Variants in LRP1 observed in about 807,000 individuals in gnomAD.
The protein encoded by LRP1 is prolow-density lipoprotein receptor-related protein 1.
LRP1 carries 51 observed loss-of-function variants against 541.5 expected under a neutral mutation model. The observed-to-expected ratio is 0.09, with a 90% CI of 0.08 to 0.12. The LOEUF is 0.12. Among genes scored for constraint, LRP1 ranks in the 10% least tolerant of loss-of-function variants. The pLI, the probability that LRP1 is intolerant of heterozygous loss-of-function variation, is 1.00. For missense variants in LRP1, 3,878 were observed against 6,376.2 expected (o/e 0.61, Z 13.34); for synonymous variants, 2,219 against 2,470.8 (o/e 0.90, Z 3.02).
In LRP1 at chr12:57,173,665, G is replaced by C; in HGVS notation, c.3347-115G>C. The C allele has an allele frequency of 1.8e-6, 2 of 1,114,348 alleles. No individual in the cohort carries two copies. The highest frequency in any genetic ancestry group is 1.3e-6 in the Non-Finnish European group (1 of 749,656). The allele number at this position is 1,114,348 out of a possible 1,614,324, so 69.0% of individuals were successfully genotyped here. ...CCAAAAAGCCTCGGGGTTCCTCGTGGACCCCACAGCGTTGCAATCCTGACC... is the reference window on the plus strand; with the variant it reads ...CCAAAAAGCCTCGGGGTTCCTCGTGCACCCCACAGCGTTGCAATCCTGACC... On this transcript the variant is annotated intron_variant, in intron 21 of 88. Transcript: ENST00000243077. The surrounding 1 kb of genome is among the most constrained non-coding windows in gnomAD (Gnocchi z 4.7).
chr12:57,170,710 A>G lies in LRP1; in HGVS notation c.3163+1403A>G, dbSNP rs533896177. On this transcript the variant is annotated intron_variant, in intron 20 of 88. Transcript: ENST00000243077. ...GAGGCACATGCCTGTAGTCCCAGCT[A>G]CTCAGAAGGCTGAGGTGAGAGGTTG... Among the ~76,000 whole-genome samples the G allele has an allele frequency of 4.6e-5, 7 of 152,226 alleles. No individual in the cohort carries two copies. In the South Asian group the frequency reaches 8.3e-4, roughly 18 times the overall value.
Position 57,128,788 on chromosome 12 carries a change from GGCTC to G in LRP1, c.-175_-172del. The G allele has an allele frequency of 1.9e-6, 1 of 514,234 alleles. No homozygotes were observed. The highest frequency in any genetic ancestry group is 3.2e-5 in the East Asian group (1 of 31,474). The allele number at this position is 514,234 out of a possible 1,614,324, so 31.9% of individuals were successfully genotyped here. ...CCCCGTCAGCAGGCCCTCCCCAAGGGGCTCGGAACTCTACCTCTTCACCCACGCC... is the reference window on the plus strand; with the variant it reads ...CCCCGTCAGCAGGCCCTCCCCAAGGGGGAACTCTACCTCTTCACCCACGCC... On this transcript the variant is annotated 5_prime_UTR_variant, in exon 1 of 89. Transcript: ENST00000243077.
intron 1 of LRP1, among the ~76,000 whole-genome samples, chr12:57,129,823 C>T (rs916417462): frequency 1.3e-5 from 2 of 152,120 alleles, no homozygotes; most frequent in African/African-American, 2.4e-5. Flanking sequence ...GTGGGGGAGG[C>T]TGCCTTCTTC....
At chr12:57,147,252 C>T (rs1327136790) in intron 6 of LRP1, among the ~76,000 whole-genome samples, 1 of 152,118 alleles carries the variant, frequency 6.6e-6, no homozygotes, top group Non-Finnish European at 1.5e-5. Context: ...TCCCTGCCGC[C>T]TGAATGTCTG....
In LRP1 at chr12:57,192,950, A is replaced by G. The variant is rs940896425; in HGVS notation, c.7535A>G (p.Gln2512Arg). ...NCSCRGGRIL[Q>R]DDLTCRAVNS... ...TCATGCCGAGGGGGCCGAATCCTCC[A>G]GGATGACCTCACCTGCCGAGGTGAG... Residue 2512 changes from glutamine to arginine, a missense_variant, in exon 45 of 89, where the codon CAG becomes CGG. By Grantham distance (43) the Gln-to-Arg change is conservative. Around this residue, in one of 13 missense-constraint regions of LRP1, gnomAD observed 1,100 missense variants for 1,827.4 expected, o/e 0.60. Transcript: ENST00000243077. The G allele has an allele frequency of 1.2e-5, 19 of 1,613,310 alleles. No homozygotes were observed. Among genetic ancestry groups the G allele is most frequent in the Non-Finnish European group, 1.4e-5 (17 of 1,179,704 alleles).
chr12:57,199,114 C>A, intron 60 of LRP1, 98 bp from the exon 61 acceptor site: 1 of 1,123,952 alleles, frequency 8.9e-7, no homozygotes, highest in South Asian at 1.3e-5. Context: ...CTGACACCCA[C>A]CTCTCAGGGT....
In LRP1 at chr12:57,211,615, G is replaced by T; in HGVS notation, c.13193+27G>T. 3 of 1,611,656 alleles carry T rather than the reference G, an allele frequency of 1.9e-6. No homozygotes were observed. Among genetic ancestry groups the T allele is most frequent in the Non-Finnish European group, 2.5e-6 (3 of 1,177,850 alleles). On this transcript the variant is annotated intron_variant, in intron 85 of 88. Transcript: ENST00000243077. The surrounding 1 kb of genome is among the most constrained non-coding windows in gnomAD (Gnocchi z 4.3). The stretch of plus-strand genomic sequence containing the variant: ...TGAGTTGGGCCCGGGCTTCACCCAG[G>T]CATAGATCATCGCTCCCTTCCCCAG...
Position 57,205,199 on chromosome 12 carries a change from A to C in LRP1, c.11285A>C (p.Asn3762Thr). The C allele has an allele frequency of 6.2e-7, 1 of 1,613,910 alleles. No individual in the cohort carries two copies. Among genetic ancestry groups the C allele is most frequent in the Admixed American group, 1.7e-5 (1 of 60,024 alleles). The change falls in exon 73 of 89, where the codon AAC becomes ACC. Residue 3762 changes from asparagine to threonine, a missense_variant. By Grantham distance (65) the Asn-to-Thr change is moderately conservative. Coordinates refer to ENST00000243077, the MANE Select transcript of LRP1 (RefSeq NM_002332.3). The surrounding 1 kb of genome is among the most constrained non-coding windows in gnomAD (Gnocchi z 4.6). ...TGCCTCTCCTCCTCCCTGCGCTGCA[A>C]CATGTTCGATGACTGCGGGGACGGC... Reference protein sequence around the residue: ...QRCLSSSLRCNMFDDCGDGSD... With the variant: ...QRCLSSSLRCTMFDDCGDGSD...
At chr12:57,176,273 C>T (rs1333072132) in intron 24 of LRP1, among the ~76,000 whole-genome samples, 167 bp downstream of exon 24, 1 of 152,258 alleles carries the variant, frequency 6.6e-6, no homozygotes, top group Admixed American at 6.5e-5. Context: ...CCTGACGCCC[C>T]GTAATTATCG....
rs2036561481 is a variant in LRP1 at position 57,197,485 on chromosome 12, T to C, written c.9163-60T>C. ...TAGGTCCAACCATCCCTCCCCCAGA[T>C]GCAAATGTGGCCCCTGTTGCCACAA... On this transcript the variant is annotated intron_variant, in intron 57 of 88. Transcript: ENST00000243077. This position sits in a 1 kb window ranked among gnomAD's most constrained non-coding sequence, Gnocchi z 4.5. The C allele has an allele frequency of 4.3e-6, 7 of 1,613,578 alleles. No homozygotes were observed. The highest frequency in any genetic ancestry group is 5.9e-6 in the Non-Finnish European group (7 of 1,179,712).
chr12:57,141,968 C>T (rs1355468052), intron 3 of LRP1, among the ~76,000 whole-genome samples: 1 of 152,174 alleles, frequency 6.6e-6, no homozygotes, highest in Non-Finnish European at 1.5e-5. Context: ...TAGAAGGCAT[C>T]CCCCAGGAGC....
At chr12:57,210,541 C>T in intron 82 of LRP1, 61 bp downstream of exon 82, 2 of 1,473,362 alleles carry the variant, frequency 1.4e-6, no homozygotes, top group East Asian at 2.3e-5. Context: ...CCGCCACCCA[C>T]CACCCCACCT....
At chr12:57,145,128 G>A in intron 5 of LRP1, 28 bp downstream of exon 5, 1 of 1,613,754 alleles carries the variant, frequency 6.2e-7, no homozygotes, top group Non-Finnish European at 8.5e-7. Flanking sequence ...TGGCCACAGT[G>A]CTAACTAAGC....
chr12:57,188,595 T>A (rs933689411), intron 42 of LRP1, among the ~76,000 whole-genome samples: 2 of 152,148 alleles, frequency 1.3e-5, no homozygotes, highest in Non-Finnish European at 2.9e-5. Flanking sequence ...AGTCTGGAGC[T>A]TCCCTGGAGG....
chr12:57,203,281 G>A lies in LRP1; in HGVS notation c.10812G>A (p.Ser3604=), dbSNP rs374747231. ...GAGACCACGACTGCGCGGACGGCTC[G>A]GACGAGGTGGGCAGGGAGATGAGAA... ...CDGDHDCADG[S]DEKDCTPRCD... Residue 3604 remains serine, a synonymous_variant, in exon 69 of 89, where the codon TCG becomes TCA. Transcript: ENST00000243077. The A allele has an allele frequency of 2.2e-5, 35 of 1,604,250 alleles. No individual in the cohort carries two copies. Among genetic ancestry groups the A allele is most frequent in the Middle Eastern group, 1.6e-4 (1 of 6,062 alleles).
In LRP1 at chr12:57,178,045, G is replaced by A. The variant is rs1376755026; in HGVS notation, c.4362-314G>A. Among the ~76,000 whole-genome samples the A allele has an allele frequency of 6.6e-6, 1 of 151,558 alleles. No individual in the cohort carries two copies. The highest frequency in any genetic ancestry group is 1.5e-5 in the Non-Finnish European group (1 of 67,900). ...CTCACTGCAGGCTCCGCCCCCCGGG[G>A]TTCACGCTGAGGGTGCCTTTTTCTG... On this transcript the variant is annotated intron_variant, in intron 26 of 88. Transcript: ENST00000243077. The surrounding 1 kb of genome is among the most constrained non-coding windows in gnomAD (Gnocchi z 5.8).
chr12:57,202,635 C>T (rs1389054706), intron 68 of LRP1, 98 bp downstream of exon 68: 20 of 962,396 alleles, frequency 2.1e-5, no homozygotes. Flanking sequence ...CTGGTGGCCA[C>T]CTCCCAGGGT....
intron 46 of LRP1, 71 bp from the exon 47 acceptor site, chr12:57,193,495 C>A: frequency 6.4e-7 from 1 of 1,573,790 alleles, no homozygotes; most frequent in South Asian, 1.2e-5. Flanking sequence ...TGGACACGTG[C>A]ATGACGTCTC....
rs75351031 is a variant in LRP1, at chr12:57,157,637, A to G, written c.1561+717A>G. 2.1e-3 allele frequency among the ~76,000 whole-genome samples: 317 copies of G among 152,358 alleles called. 6 individuals carry two copies. The East Asian group carries it at 0.054, about 26-fold the overall frequency. On this transcript the variant is annotated intron_variant, in intron 10 of 88. Coordinates refer to ENST00000243077, the MANE Select transcript of LRP1 (RefSeq NM_002332.3). ...AAAAATTAAAAATAAATGAATAAAT[A>G]AAGCAGAGAATAGAGTTAATGAGGA...
Sources: gnomAD v4.1 joint callset for allele counts (sites outside exome capture counted in the v4.1 genomes callset) on GRCh38, gnomAD v4.1.1 for gene constraint, gnomAD v4.1.1 regional missense constraint, Gnocchi (gnomAD v3.1) non-coding constraint, MANE v1.5 for transcripts, NCBI Gene and HGNC (gene_info 2026-07-23, HGNC 2026-07-21) for gene names.